The following RBKS variants were observed in gnomAD, a reference collection of about 807,000 sequenced individuals.
RBKS encodes ribokinase.
RBKS carries 33 observed loss-of-function variants against 33.9 expected under a neutral mutation model. The ratio of observed to expected loss-of-function variants is 0.97; its 90% CI spans 0.74 to 1.30. The LOEUF is 1.30. RBKS is among the 50% of genes most tolerant of loss of function. The pLI is 0.00. For synonymous variants in RBKS, 125 were observed against 143.0 expected (o/e 0.87, Z 0.90); for missense variants, 361 against 392.6 (o/e 0.92, Z 0.68).
At chr2:27,879,208 G>C (rs1369927694) in intron 1 of RBKS, among the ~76,000 whole-genome samples, 2 of 152,002 alleles carry the variant, frequency 1.3e-5, no homozygotes, top group Non-Finnish European at 2.9e-5. Flanking sequence ...CTGTTCTCTC[G>C]CATAACCTGC....
chr2:27,843,228 T>C lies in RBKS; in HGVS notation c.353A>G (p.Gln118Arg). 1 of 1,600,174 alleles carries C rather than the reference T, an allele frequency of 6.2e-7. No homozygotes were observed. Reference sequence around the variant, plus strand: ...TCCAGCCACTATGACAATGATATTCTGGCCTATAAAGAAATTCCACCTATT... The same window carrying C: ...TCCAGCCACTATGACAATGATATTCCGGCCTATAAAGAAATTCCACCTATT... ...TASIIVNNEGQNIIVIVAGAN... is the reference protein window; with the variant it reads ...TASIIVNNEGRNIIVIVAGAN... Residue 118 changes from glutamine to arginine, a missense_variant, in exon 5 of 8, where the codon CAG becomes CGG. Gln to Arg is a conservative substitution (Grantham distance 43). Coordinates refer to ENST00000302188, the MANE Select transcript of RBKS (RefSeq NM_022128.3).
chr2:27,848,189 T>C, intron 2 of RBKS, 92 bp from the exon 3 acceptor site: 2 of 696,102 alleles, frequency 2.9e-6, no homozygotes, highest in Non-Finnish European at 5.0e-6. Flanking sequence ...TAAAAGGGCA[T>C]ATCTGCACAG....
intron 7 of RBKS, among the ~76,000 whole-genome samples, chr2:27,794,759 G>A (rs967853078): frequency 2.0e-5 from 3 of 152,012 alleles, no homozygotes; most frequent in Admixed American, 6.6e-5. Context: ...AAGTAGCTGG[G>A]ATTACAAGCG....
Position 27,781,738 on chromosome 2 carries a change from A to T in RBKS, c.846T>A (p.Tyr282Ter). The T allele has an allele frequency of 6.2e-7, 1 of 1,614,066 alleles. No homozygotes were observed. Among genetic ancestry groups the T allele is most frequent in the Non-Finnish European group, 8.5e-7 (1 of 1,179,968 alleles). The change falls in exon 8 of 8, where the codon TAT (tyrosine) becomes TAA (stop). Residue 282 changes from tyrosine to a stop codon, truncating the protein, a stop_gained. Coordinates refer to ENST00000302188, the MANE Select transcript of RBKS (RefSeq NM_022128.3). LOFTEE classifies it high-confidence loss of function. ...VGALAFYLAY[Y>*]PNLSLEDMLN... ...GCATGTCTTCCAAGGACAGATTTGG[A>T]TAGTAAGCCAGGTAGAAGGCCAGAG...
intron 7 of RBKS, among the ~76,000 whole-genome samples, chr2:27,788,814 A>G (rs959241035): frequency 6.6e-6 from 1 of 152,248 alleles, no homozygotes. Context: ...AATATGTGTA[A>G]GATCTATCCA....
At chr2:27,883,462 G>C (rs1338438096) in intron 1 of RBKS, among the ~76,000 whole-genome samples, 2 of 152,066 alleles carry the variant, frequency 1.3e-5, no homozygotes, top group Admixed American at 1.3e-4. Context: ...GCCTCCCAAA[G>C]TGCTGGGATT....
chr2:27,858,661 A>C (rs1185875969), intron 1 of RBKS, 90 bp from the exon 2 acceptor site: 2 of 1,084,218 alleles, frequency 1.8e-6, no homozygotes, highest in Non-Finnish European at 2.7e-6. Flanking sequence ...TATATGGTAG[A>C]GCTCTAAATA....
At chr2:27,854,750 C>CT (rs773901822) in intron 2 of RBKS, among the ~76,000 whole-genome samples, 1,450 of 133,634 alleles carry the variant, frequency 0.011, 12 homozygotes, top group African/African-American at 0.026. Context: ...GTTGCTTTTT[C>CT]TTTTTTTTTT....
At chr2:27,822,579 C>G (rs1009654950) in intron 7 of RBKS, among the ~76,000 whole-genome samples, 1 of 152,190 alleles carries the variant, frequency 6.6e-6, no homozygotes, top group Non-Finnish European at 1.5e-5. Context: ...TAAGAAAGTG[C>G]TTCCGTGCAA....
intron 1 of RBKS, among the ~76,000 whole-genome samples, chr2:27,888,626 T>C (rs968996626): frequency 6.6e-6 from 1 of 152,234 alleles, no homozygotes; most frequent in Non-Finnish European, 1.5e-5. Flanking sequence ...AAGTACCATA[T>C]AACCTTTTCT....
chr2:27,808,805 A>G (rs1677938115), intron 7 of RBKS, among the ~76,000 whole-genome samples: 1 of 152,230 alleles, frequency 6.6e-6, no homozygotes, highest in South Asian at 2.1e-4. Flanking sequence ...AATATACAGA[A>G]CAGACATGCC....
intron 1 of RBKS, among the ~76,000 whole-genome samples, chr2:27,864,450 CTATT>C (rs1034716220): frequency 7.7e-4 from 117 of 152,194 alleles, no homozygotes; most frequent in African/African-American, 2.7e-3. Flanking sequence ...TCCTTGAGCC[CTATT>C]TATTTAAAAC....
At chr2:27,789,400 CT>C (rs569506674) in intron 7 of RBKS, among the ~76,000 whole-genome samples, 1,327 of 130,096 alleles carry the variant, frequency 0.01, 4 homozygotes, top group African/African-American at 0.02. Context: ...GATTTTGAAG[CT>C]TTTTTTTTTT....
At chr2:27,860,975 CTTTTT>C (rs386389784) in intron 1 of RBKS, among the ~76,000 whole-genome samples, 1 of 149,590 alleles carries the variant, frequency 6.7e-6, no homozygotes, top group Admixed American at 6.6e-5. Context: ...CTCTTTCTCT[CTTTTT>C]TTTTTTAAAC....
chr2:27,856,420 GC>G (rs1487115032), intron 2 of RBKS, among the ~76,000 whole-genome samples: 1 of 152,112 alleles, frequency 6.6e-6, no homozygotes, highest in Non-Finnish European at 1.5e-5. Context: ...CCAAAATACA[GC>G]CCCCTGCTTC....
chr2:27,790,045 G>T (rs1039480753), intron 7 of RBKS, among the ~76,000 whole-genome samples: 6 of 149,462 alleles, frequency 4.0e-5, no homozygotes, highest in Non-Finnish European at 7.4e-5. Flanking sequence ...GCCCAGGCTG[G>T]TCTTGAACTC....
At chr2:27,791,613 TACACACACACAC>T (rs59707075) in intron 7 of RBKS, among the ~76,000 whole-genome samples, 6 of 140,966 alleles carry the variant, frequency 4.3e-5, no homozygotes, top group Admixed American at 1.4e-4. Context: ...ATAATAAATC[TACACACACACAC>T]ACACACACAC....
chr2:27,790,492 A>C (rs1403327309), intron 7 of RBKS, among the ~76,000 whole-genome samples: 1 of 152,208 alleles, frequency 6.6e-6, no homozygotes, highest in Admixed American at 6.5e-5. Context: ...AGAATATCAA[A>C]AGATAAGCCA....
At chr2:27,858,244 G>A (rs1206902407) in intron 2 of RBKS, among the ~76,000 whole-genome samples, 195 bp downstream of exon 2, 1 of 152,190 alleles carries the variant, frequency 6.6e-6, no homozygotes, top group Non-Finnish European at 1.5e-5. Flanking sequence ...AGGGGTAAGG[G>A]ATTTTGTTTT....
Sources: allele counts gnomAD v4.1 joint callset (sites outside exome capture counted in the v4.1 genomes callset), GRCh38; gene constraint gnomAD v4.1.1; transcripts MANE v1.5; gene names NCBI Gene and HGNC (gene_info 2026-07-23, HGNC 2026-07-21).